HIRA: variants seen among roughly 807,000 people sequenced by gnomAD.
HIRA encodes histone cell cycle regulator, also known as protein HIRA.
Under a neutral mutation model 126.6 loss-of-function variants are expected in HIRA, and 13 were observed. The ratio of observed to expected loss-of-function variants is 0.10; its 90% CI spans 0.07 to 0.16. HIRA has a LOEUF of 0.16. Among genes scored for constraint, HIRA ranks in the 10% least tolerant of loss-of-function variants. HIRA has a pLI of 1.00. For synonymous variants in HIRA, 511 were observed against 520.0 expected (o/e 0.98, Z 0.24); for missense variants, 834 against 1,314.4 (o/e 0.63, Z 5.65).
chr22:19,392,188 C>G lies in HIRA; in HGVS notation c.849G>C (p.Lys283Asn), dbSNP rs748363933. 7 of 1,608,680 alleles carry G rather than the reference C, an allele frequency of 4.4e-6. No homozygotes were observed. The Admixed American group carries it at 1.0e-4, about 23-fold the overall frequency. Residue 283 changes from lysine to asparagine, a missense_variant, in exon 9 of 25, where the codon AAG (lysine) becomes AAC (asparagine). Coordinates refer to ENST00000263208, the MANE Select transcript of HIRA (RefSeq NM_003325.4). ...VVKFNPKIFK[K>N]KQKNGSSAKP... ...TCGCAGAACTCCCATTCTTCTGCTT[C>G]TTTTTGAAGATTTTTGGGTTGAATT...
chr22:19,358,766 G>A (rs1429819148), intron 18 of HIRA, among the ~76,000 whole-genome samples: 2 of 152,198 alleles, frequency 1.3e-5, no homozygotes, highest in Admixed American at 1.3e-4. Flanking sequence ...CATCAGACAG[G>A]AACCTGAGGA....
At chr22:19,366,507 T>C (rs1385425419) in intron 15 of HIRA, among the ~76,000 whole-genome samples, 2 of 152,188 alleles carry the variant, frequency 1.3e-5, no homozygotes, top group East Asian at 3.8e-4. Context: ...TAACAAGAGT[T>C]TGGAAGAAGC....
chr22:19,368,332 T>C (rs2088933071), intron 15 of HIRA, among the ~76,000 whole-genome samples: 1 of 152,194 alleles, frequency 6.6e-6, no homozygotes, highest in South Asian at 2.1e-4. Context: ...CTGTTCCCCT[T>C]TCTTCTAATG....
chr22:19,331,391 G>T lies in HIRA; in HGVS notation c.*49C>A. ...GAGGCGGTCCTGCATGTCATCAGCG[G>T]CGAGAGTGTGGCCCTGCCCTTGCTG... is the stretch of plus-strand genomic sequence containing the variant. On this transcript the variant is annotated 3_prime_UTR_variant, in exon 25 of 25. Transcript: ENST00000263208. 6.2e-7 allele frequency: 1 copy of T among 1,611,646 alleles called. No individual in the cohort carries two copies.
At chr22:19,412,389 T>TGA (rs2089360803) in intron 1 of HIRA, among the ~76,000 whole-genome samples, 1 of 152,204 alleles carries the variant, frequency 6.6e-6, no homozygotes, top group Non-Finnish European at 1.5e-5. Flanking sequence ...AGCTGCAGAA[T>TGA]TATGAGCAAA....
Position 19,361,756 on chromosome 22 carries a change from G to C in HIRA, c.1951C>G (p.Arg651Gly). ...KKKGRPRKDS[R>G]LMPVSLSVQS... is the part of the protein sequence containing the mutation. Reference sequence around the variant, plus strand: ...ACAGACAGAGACACAGGCATGAGACGAGAGTCCTTCCGAGGCCGCCCTTTC... The same window carrying C: ...ACAGACAGAGACACAGGCATGAGACCAGAGTCCTTCCGAGGCCGCCCTTTC... Residue 651 changes from arginine to glycine, a missense_variant, in exon 16 of 25, where the codon CGT becomes GGT. By Grantham distance (125) the Arg-to-Gly change is moderately radical. Transcript: ENST00000263208. 6.2e-7 allele frequency: 1 copy of C among 1,612,774 alleles called. No individual in the cohort carries two copies. Among genetic ancestry groups the C allele is most frequent in the Admixed American group, 1.7e-5 (1 of 60,036 alleles).
At chr22:19,333,377 T>G (rs117249113) in intron 24 of HIRA, among the ~76,000 whole-genome samples, 2,062 of 152,176 alleles carry the variant, frequency 0.014, 12 homozygotes, top group Non-Finnish European at 0.02. Flanking sequence ...ATTTGAACAT[T>G]TAGAGAAAAT....
intron 18 of HIRA, 123 bp from the exon 19 acceptor site, chr22:19,357,174 G>A (rs2088820862): frequency 8.9e-7 from 1 of 1,122,674 alleles, no homozygotes; most frequent in Non-Finnish European, 1.3e-6. Flanking sequence ...AGCAGGTACA[G>A]CCAGAAGGGA....
At chr22:19,366,789 C>T (rs2088917415) in intron 15 of HIRA, among the ~76,000 whole-genome samples, 2 of 152,156 alleles carry the variant, frequency 1.3e-5, no homozygotes, top group Non-Finnish European at 2.9e-5. Flanking sequence ...GAGACAGATT[C>T]TCATTCTGTT....
chr22:19,416,016 C>A (rs543171321), intron 1 of HIRA, among the ~76,000 whole-genome samples: 1 of 152,156 alleles, frequency 6.6e-6, no homozygotes, highest in Non-Finnish European at 1.5e-5. Context: ...GTAATCAGAA[C>A]AGTGAAGTAC....
At chr22:19,391,504 C>T (rs368264909) in intron 9 of HIRA, among the ~76,000 whole-genome samples, 4 of 142,900 alleles carry the variant, frequency 2.8e-5, no homozygotes, top group East Asian at 2.0e-4. Context: ...TTTTTTGAGA[C>T]GGAGTCTCGC....
chr22:19,410,671 T>C (rs1295607902), intron 2 of HIRA, 45 bp downstream of exon 2: 2 of 1,418,214 alleles, frequency 1.4e-6, no homozygotes, highest in Middle Eastern at 1.8e-4. Context: ...AAGAGCAAGG[T>C]GGCAGGGCTG....
chr22:19,343,577 A>T (rs1556008115), intron 24 of HIRA, among the ~76,000 whole-genome samples: 1 of 152,106 alleles, frequency 6.6e-6, no homozygotes, highest in South Asian at 2.1e-4. Context: ...AATCTACAAC[A>T]TCGTGGAAGT....
chr22:19,387,333 G>A (rs747035898), intron 11 of HIRA, among the ~76,000 whole-genome samples: 3 of 152,232 alleles, frequency 2.0e-5, no homozygotes, highest in Non-Finnish European at 4.4e-5. Flanking sequence ...GAGCCTGGCA[G>A]ACAATGCGTT....
Position 19,392,133 on chromosome 22 carries a change from C to G in HIRA, c.904G>C (p.Val302Leu). ...KPSCPYCCCA[V>L]GSKDRSLSVW... is the part of the protein sequence containing the mutation. ...GAAAGCGAGCGGTCCTTGCTGCCAA[C>G]AGCACAGCAGCAGTACGGGCAGCTA... Residue 302 changes from valine to leucine, a missense_variant, in exon 9 of 25, where the codon GTT (valine) becomes CTT (leucine). Val to Leu is a conservative substitution (Grantham distance 32). Coordinates refer to ENST00000263208, the MANE Select transcript of HIRA (RefSeq NM_003325.4). 1 of 1,601,512 alleles carries G rather than the reference C, an allele frequency of 6.2e-7. No individual in the cohort carries two copies. The highest frequency in any genetic ancestry group is 8.5e-7 in the Non-Finnish European group (1 of 1,169,918).
intron 18 of HIRA, among the ~76,000 whole-genome samples, chr22:19,358,457 G>A (rs1366246283): frequency 6.6e-6 from 1 of 152,206 alleles, no homozygotes; most frequent in Non-Finnish European, 1.5e-5. Context: ...AGCTGGGCAA[G>A]CCACCTGCCT....
intron 24 of HIRA, among the ~76,000 whole-genome samples, chr22:19,332,115 A>G (rs1004081039): frequency 1.3e-5 from 2 of 152,236 alleles, no homozygotes; most frequent in Non-Finnish European, 2.9e-5. Flanking sequence ...TTGGCACCAC[A>G]GTCTGAAACA....
At chr22:19,338,065 T>A (rs2088586434) in intron 24 of HIRA, among the ~76,000 whole-genome samples, 1 of 152,132 alleles carries the variant, frequency 6.6e-6, no homozygotes, top group African/African-American at 2.4e-5. Context: ...GTGTTGGGAT[T>A]ACACGAATGA....
intron 6 of HIRA, among the ~76,000 whole-genome samples, chr22:19,397,727 G>T (rs930812703): frequency 2.6e-5 from 4 of 152,172 alleles, no homozygotes; most frequent in Non-Finnish European, 5.9e-5. Context: ...AGGAGCATCA[G>T]GGTCCCCAAC....
Sources: gnomAD v4.1 joint callset for allele counts (sites outside exome capture counted in the v4.1 genomes callset) on GRCh38, gnomAD v4.1.1 for gene constraint, MANE v1.5 for transcripts, NCBI Gene and HGNC (gene_info 2026-07-23, HGNC 2026-07-21) for gene names.